The following ZNF827 variants were observed in gnomAD, a reference collection of about 807,000 sequenced individuals.
The protein encoded by ZNF827 is zinc finger protein 827.
Under a neutral mutation model 102.4 loss-of-function variants are expected in ZNF827, and 13 were observed. The observed-to-expected ratio is 0.13, with a 90% CI of 0.08 to 0.20. The LOEUF (loss-of-function observed/expected upper bound fraction) is 0.20, where lower values mean the gene tolerates loss of function less well. ZNF827 is among the 10% of genes least tolerant of loss of function. The pLI is 1.00. For missense variants in ZNF827, 1,103 were observed against 1,344.4 expected (o/e 0.82, Z 2.81); for synonymous variants, 523 against 536.2 (o/e 0.98, Z 0.34).
At chr4:145,880,733 A>G (rs1232157569) in intron 4 of ZNF827, among the ~76,000 whole-genome samples, 5 of 152,226 alleles carry the variant, frequency 3.3e-5, no homozygotes, top group Admixed American at 1.3e-4. Context: ...GTGAGTGCCC[A>G]TCACCAGAAA....
chr4:145,896,812 T>C (rs952999146), intron 2 of ZNF827, among the ~76,000 whole-genome samples: 3 of 152,204 alleles, frequency 2.0e-5, no homozygotes, highest in Admixed American at 6.5e-5. Context: ...GCATATGGAA[T>C]GACTACATCA....
chr4:145,875,029 A>T lies in ZNF827; in HGVS notation c.1748-4551T>A, dbSNP rs181248479. The stretch of plus-strand genomic sequence containing the variant: ...GGAATGGGAAAGCTGCTGGGATAAG[A>T]TGATTCCAGTCTTCCAATTCTAGGA... On this transcript the variant is annotated intron_variant, in intron 4 of 14. Coordinates refer to ENST00000508784, the MANE Select transcript of ZNF827 (RefSeq NM_001306215.2). Among the ~76,000 whole-genome samples, 86 of 152,360 alleles carry T rather than the reference A, an allele frequency of 5.6e-4. 3 individuals are homozygous for T. Among genetic ancestry groups the T allele is most frequent in the Admixed American group, 5.6e-3 (86 of 15,310 alleles).
chr4:145,826,572 T>G (rs1217681900), intron 7 of ZNF827, among the ~76,000 whole-genome samples: 1 of 152,236 alleles, frequency 6.6e-6, no homozygotes, highest in African/African-American at 2.4e-5. Flanking sequence ...TAATCCAGAA[T>G]AAGAATAATG....
In ZNF827 at chr4:145,762,424, T is replaced by C. The variant is rs1407906536; in HGVS notation, c.*17+666A>G. 3.3e-5 allele frequency among the ~76,000 whole-genome samples: 5 copies of C among 152,226 alleles called. No individual in the cohort carries two copies. The highest frequency in any genetic ancestry group is 2.1e-4 in the South Asian group (1 of 4,828). ...GAGATAGGATAATAATCCAACTGGA[T>C]TGGAAATTCTCAGAGGGCAGGACCA... On this transcript the variant is annotated intron_variant, in intron 14 of 14. Coordinates refer to ENST00000508784, the MANE Select transcript of ZNF827 (RefSeq NM_001306215.2). This position sits in a 1 kb window ranked among gnomAD's most constrained non-coding sequence, Gnocchi z 4.9.
chr4:145,823,656 A>G (rs1743380101), intron 7 of ZNF827, 131 bp from the exon 8 acceptor site: 3 of 639,342 alleles, frequency 4.7e-6, no homozygotes, highest in African/African-American at 1.8e-5. Context: ...TTTAGTGAAT[A>G]TAAGAAGATT....
chr4:145,790,667 A>G (rs1187703843), intron 8 of ZNF827, among the ~76,000 whole-genome samples: 1 of 152,172 alleles, frequency 6.6e-6, no homozygotes, highest in African/African-American at 2.4e-5. Flanking sequence ...TTTCTTATGG[A>G]CAAGTCTTGA....
intron 8 of ZNF827, among the ~76,000 whole-genome samples, chr4:145,800,513 G>A (rs1241718997): frequency 6.6e-6 from 1 of 152,014 alleles, no homozygotes; most frequent in African/African-American, 2.4e-5. Context: ...GAGCTCAAGC[G>A]ATCCACCTGC....
intron 8 of ZNF827, among the ~76,000 whole-genome samples, chr4:145,789,903 G>T (rs1464594131): frequency 1.3e-5 from 2 of 152,192 alleles, no homozygotes; most frequent in Non-Finnish European, 2.9e-5. Context: ...GTGGAATTTG[G>T]AGGCTCTGCC....
chr4:145,889,180 G>A (rs182175775), intron 3 of ZNF827, among the ~76,000 whole-genome samples: 1 of 152,042 alleles, frequency 6.6e-6, no homozygotes, highest in Admixed American at 6.6e-5. Flanking sequence ...ATCACAAAAA[G>A]GGAAAAGGAA....
At chr4:145,874,214 C>T (rs958753152) in intron 4 of ZNF827, among the ~76,000 whole-genome samples, 14 of 152,128 alleles carry the variant, frequency 9.2e-5, no homozygotes, top group Admixed American at 2.0e-4. Flanking sequence ...TTCAAAAAGA[C>T]ACTTTAAAAG....
chr4:145,849,884 C>T (rs1192829458), intron 5 of ZNF827, among the ~76,000 whole-genome samples: 1 of 152,244 alleles, frequency 6.6e-6, no homozygotes, highest in Non-Finnish European at 1.5e-5. Context: ...TGTGCCCCTT[C>T]CTCTCTACCA....
chr4:145,783,430 A>C (rs755464220), intron 8 of ZNF827, among the ~76,000 whole-genome samples: 4 of 152,222 alleles, frequency 2.6e-5, no homozygotes, highest in Non-Finnish European at 4.4e-5. Flanking sequence ...AACTGCTTTC[A>C]TGATTCTATT....
At chr4:145,936,005 GAAGA>G (rs1016003299) in intron 1 of ZNF827, among the ~76,000 whole-genome samples, 1 of 151,780 alleles carries the variant, frequency 6.6e-6, no homozygotes, top group African/African-American at 2.4e-5. Context: ...GGGGAGAAGA[GAAGA>G]AAGGGAAAAT....
Position 145,761,099 on chromosome 4 carries a change from G to A in ZNF827, c.*517C>T, listed in dbSNP as rs1734417288. ...ACTGACAGGGGAGACAGGAGATTCC[G>A]GGAGCTCCCGACCACCAGGAGCGGG... is the stretch of plus-strand genomic sequence containing the variant. On this transcript the variant is annotated 3_prime_UTR_variant, in exon 15 of 15. Coordinates refer to ENST00000508784, the MANE Select transcript of ZNF827 (RefSeq NM_001306215.2). The surrounding 1 kb of genome is among the most constrained non-coding windows in gnomAD (Gnocchi z 6.8). 7.8e-6 allele frequency: 10 copies of A among 1,289,572 alleles called. No individual in the cohort carries two copies. The highest frequency in any genetic ancestry group is 9.1e-6 in the Non-Finnish European group (9 of 988,714). 79.9% of individuals were successfully genotyped at this position (1,289,572 alleles called of 1,614,324 possible). A position where few individuals can be genotyped will look rare whatever the true frequency, so the allele number is the denominator to read the frequency against.
intron 7 of ZNF827, chr4:145,831,341 C>A (rs975559013): frequency 6.6e-6 from 1 of 152,234 alleles, no homozygotes; most frequent in African/African-American, 2.4e-5. Context: ...TGGGCTCACA[C>A]ATTTTCAAAG....
intron 8 of ZNF827, among the ~76,000 whole-genome samples, chr4:145,782,894 A>G (rs535976179): frequency 7.2e-5 from 11 of 152,328 alleles, no homozygotes; most frequent in African/African-American, 2.6e-4. Context: ...CTACTTCTGT[A>G]CAATAAACTC....
chr4:145,764,906 T>C, intron 13 of ZNF827, 82 bp downstream of exon 13: 4 of 1,601,296 alleles, frequency 2.5e-6, no homozygotes, highest in Middle Eastern at 1.7e-4. Context: ...TCCCAAAACC[T>C]TCACGGGAAG....
At chr4:145,908,371 G>T (rs530514817) in intron 1 of ZNF827, among the ~76,000 whole-genome samples, 1 of 152,186 alleles carries the variant, frequency 6.6e-6, no homozygotes, top group Non-Finnish European at 1.5e-5. Flanking sequence ...GCTTTCTCAC[G>T]GTCAACTCTC....
chr4:145,802,451 G>A (rs973379851), intron 8 of ZNF827, among the ~76,000 whole-genome samples: 1 of 152,202 alleles, frequency 6.6e-6, no homozygotes, highest in Non-Finnish European at 1.5e-5. Flanking sequence ...CAAGGTGTTT[G>A]GCACAAACCA....
Sources: allele counts gnomAD v4.1 joint callset (sites outside exome capture counted in the v4.1 genomes callset), GRCh38; gene constraint gnomAD v4.1.1; non-coding constraint Gnocchi (gnomAD v3.1); transcripts MANE v1.5; gene names NCBI Gene and HGNC (gene_info 2026-07-23, HGNC 2026-07-21).